Variants in GNB1L observed in about 807,000 individuals in gnomAD.
GNB1L encodes guanine nucleotide-binding protein subunit beta-like protein 1.
A neutral mutation model predicts 29.1 loss-of-function variants in GNB1L; 20 were observed. That is an observed-to-expected ratio of 0.69 (90% CI 0.48 to 1.00). GNB1L has a LOEUF of 1.00. Among genes scored for constraint, GNB1L ranks in the 50% least tolerant of loss-of-function variants. The probability of loss-of-function intolerance (pLI) is 0.00; values close to 1 mark genes in which losing one functional copy is unlikely to be tolerated. For synonymous variants in GNB1L, 193 were observed against 206.5 expected, an observed-to-expected ratio of 0.93 and a Z score of 0.56; for missense variants, 421 against 464.9, an observed-to-expected ratio of 0.91 and a Z score of 0.87.
chr22:19,848,515 T>C (rs1402943916), intron 2 of GNB1L: 7 of 985,406 alleles, frequency 7.1e-6, no homozygotes, highest in African/African-American at 1.7e-5. Flanking sequence ...TGGAAGGCCA[T>C]GCCAGAGTCC....
intron 2 of GNB1L, chr22:19,851,929 C>A (rs756600180): frequency 1.9e-6 from 3 of 1,614,116 alleles, no homozygotes; most frequent in Non-Finnish European, 1.7e-6. Context: ...CCAGTAGCCA[C>A]GGGGAGCCAT....
intron 2 of GNB1L, among the ~76,000 whole-genome samples, chr22:19,834,769 G>A (rs148597508): frequency 0.01 from 1,566 of 151,098 alleles, 8 homozygotes; most frequent in Admixed American, 0.017. Flanking sequence ...TTCAAGAGAG[G>A]ACAGGAAAGA....
intron 2 of GNB1L, among the ~76,000 whole-genome samples, chr22:19,827,060 CA>C (rs201115872): frequency 6.6e-6 from 1 of 150,772 alleles, no homozygotes; most frequent in South Asian, 2.1e-4. Context: ...GATCCTGGAT[CA>C]AAAAAAAGGG....
chr22:19,829,329 A>G (rs1937648633), intron 2 of GNB1L, among the ~76,000 whole-genome samples: 1 of 152,230 alleles, frequency 6.6e-6, no homozygotes, highest in South Asian at 2.1e-4. Context: ...TCACAAAGAA[A>G]TATCAGTAAG....
At chr22:19,814,926 C>T (rs1046592196) in intron 4 of GNB1L, among the ~76,000 whole-genome samples, 1 of 151,892 alleles carries the variant, frequency 6.6e-6, no homozygotes, top group Non-Finnish European at 1.5e-5. Flanking sequence ...GTTCCAGCTA[C>T]TCAGGGGGCT....
intron 2 of GNB1L, chr22:19,850,633 A>G: frequency 8.2e-7 from 1 of 1,223,218 alleles, no homozygotes; most frequent in Non-Finnish European, 1.0e-6. Context: ...CCCCAGAATC[A>G]AAGTGGCCAC....
intron 2 of GNB1L, among the ~76,000 whole-genome samples, chr22:19,834,854 A>G (rs1439450727): frequency 6.6e-6 from 1 of 152,212 alleles, no homozygotes; most frequent in Non-Finnish European, 1.5e-5. Flanking sequence ...TAACCATACC[A>G]ATCACTACAA....
chr22:19,800,906 G>A (rs915852089), intron 7 of GNB1L, among the ~76,000 whole-genome samples: 21 of 152,314 alleles, frequency 1.4e-4, no homozygotes, highest in East Asian at 5.8e-4. Context: ...TGGGCCTGAC[G>A]GACCCGAGGT....
chr22:19,820,828 T>G, intron 3 of GNB1L, 105 bp from the exon 4 acceptor site: 1 of 1,373,624 alleles, frequency 7.3e-7, no homozygotes. Context: ...TCTAGGCTGG[T>G]TGAGCTGAAA....
Position 19,831,214 on chromosome 22 carries a change from T to C in GNB1L, c.-20-9839A>G, listed in dbSNP as rs1251202271. Among the ~76,000 whole-genome samples, 6 of 151,260 alleles carry C rather than the reference T, an allele frequency of 4.0e-5. No individual in the cohort carries two copies. In the East Asian group the frequency reaches 1.2e-3, roughly 29 times the overall value. On this transcript the variant is annotated intron_variant, in intron 2 of 7. Coordinates refer to ENST00000329517, the MANE Select transcript of GNB1L (RefSeq NM_053004.3). ...CATCTCTACTAAAAATACAAAATTA[T>C]CTGGGCGCGGTGGCAAGCACCTGTA...
chr22:19,849,756 T>G (rs1296377382), intron 2 of GNB1L: 1 of 985,340 alleles, frequency 1.0e-6, no homozygotes, highest in Non-Finnish European at 1.2e-6. Context: ...TGCTTTTTCT[T>G]CCTACTTTCC....
At chr22:19,850,683 A>G in intron 2 of GNB1L, 1 of 1,231,368 alleles carries the variant, frequency 8.1e-7, no homozygotes, top group African/African-American at 1.5e-5. Flanking sequence ...GCTGGGACAG[A>G]AGTCACAGGG....
At chr22:19,851,879 T>C in intron 2 of GNB1L, 1 of 1,613,792 alleles carries the variant, frequency 6.2e-7, no homozygotes, top group Non-Finnish European at 8.5e-7. Context: ...GTGCTCAAAG[T>C]GGAAGGACAT....
intron 5 of GNB1L, among the ~76,000 whole-genome samples, chr22:19,810,247 C>G (rs1937483627): frequency 6.6e-6 from 1 of 152,124 alleles, no homozygotes; most frequent in Admixed American, 6.5e-5. Context: ...GGCTACACAG[C>G]CTACACGGCC....
chr22:19,818,483 G>A (rs529684772), intron 4 of GNB1L, among the ~76,000 whole-genome samples: 1 of 152,168 alleles, frequency 6.6e-6, no homozygotes, highest in Non-Finnish European at 1.5e-5. Flanking sequence ...ATGACCACAC[G>A]GGGCTCTGCA....
chr22:19,851,459 T>C (rs767842472), intron 2 of GNB1L: 2 of 1,614,058 alleles, frequency 1.2e-6, no homozygotes, highest in Non-Finnish European at 1.7e-6. Context: ...TGGGGGCTCC[T>C]TGGGCCCAGG....
chr22:19,813,093 G>A (rs1255596434), intron 4 of GNB1L, among the ~76,000 whole-genome samples: 2 of 152,198 alleles, frequency 1.3e-5, no homozygotes, highest in East Asian at 3.9e-4. Context: ...GGCTGGCGGA[G>A]TCGAATTAGA....
At chr22:19,817,895 T>G (rs910996141) in intron 4 of GNB1L, among the ~76,000 whole-genome samples, 3 of 152,106 alleles carry the variant, frequency 2.0e-5, no homozygotes, top group African/African-American at 7.2e-5. Context: ...GAAAAAAGAT[T>G]AAAAAACACC....
At chr22:19,813,007 G>A (rs1937512373) in intron 4 of GNB1L, among the ~76,000 whole-genome samples, 1 of 152,230 alleles carries the variant, frequency 6.6e-6, no homozygotes, top group African/African-American at 2.4e-5. Context: ...TAGAACAGAT[G>A]AGGAAACCAG....
Sources: allele counts gnomAD v4.1 joint callset (sites outside exome capture counted in the v4.1 genomes callset), GRCh38; gene constraint gnomAD v4.1.1; transcripts MANE v1.5; gene names NCBI Gene and HGNC (gene_info 2026-07-23, HGNC 2026-07-21).